The following AMOTL1 variants were observed in gnomAD, a reference collection of about 807,000 sequenced individuals.
AMOTL1 encodes angiomotin-like protein 1.
AMOTL1 carries 45 observed loss-of-function variants against 102.9 expected under a neutral mutation model. The observed-to-expected ratio is 0.44, with a 90% CI of 0.34 to 0.56. AMOTL1 has a LOEUF of 0.56. AMOTL1 is among the 20% of genes least tolerant of loss of function. The pLI is 0.01. For synonymous variants in AMOTL1, 481 were observed against 484.7 expected (o/e 0.99, Z 0.10); for missense variants, 1,114 against 1,225.6 (o/e 0.91, Z 1.36).
intron 3 of AMOTL1, among the ~76,000 whole-genome samples, chr11:94,761,663 A>T (rs1380424434): frequency 2.0e-5 from 3 of 152,206 alleles, no homozygotes; most frequent in Non-Finnish European, 4.4e-5. Flanking sequence ...TAACTTATAG[A>T]ACATTTAAGA....
At chr11:94,745,460 C>T (rs2135483311) in intron 3 of AMOTL1, among the ~76,000 whole-genome samples, 1 of 152,304 alleles carries the variant, frequency 6.6e-6, no homozygotes, top group African/African-American at 2.4e-5. Context: ...AAAGATGCTC[C>T]TATCACCTCT....
intron 6 of AMOTL1, among the ~76,000 whole-genome samples, chr11:94,846,023 T>A (rs1952403885): frequency 6.6e-6 from 1 of 152,190 alleles, no homozygotes; most frequent in African/African-American, 2.4e-5. Context: ...TATGAGGTGG[T>A]TTCACCATGG....
intron 1 of AMOTL1, among the ~76,000 whole-genome samples, chr11:94,790,930 C>G (rs569844779): frequency 3.9e-4 from 60 of 152,320 alleles, no homozygotes; most frequent in Admixed American, 1.4e-3. Flanking sequence ...TTGCCTCCCC[C>G]AGACAACTCA....
chr11:94,805,418 T>G (rs1369290573), intron 3 of AMOTL1, among the ~76,000 whole-genome samples: 2 of 152,202 alleles, frequency 1.3e-5, no homozygotes, highest in African/African-American at 4.8e-5. Flanking sequence ...TGGAGGTGCT[T>G]TCATTCCTAG....
At chr11:94,821,859 T>C (rs913622267) in intron 4 of AMOTL1, 38 bp downstream of exon 4, 4 of 1,599,904 alleles carry the variant, frequency 2.5e-6, no homozygotes, top group Non-Finnish European at 3.4e-6. Flanking sequence ...GGAGACAAAT[T>C]CTTTACCTGG....
intron 2 of AMOTL1, among the ~76,000 whole-genome samples, chr11:94,732,939 G>C (rs927939331): frequency 6.6e-6 from 1 of 152,198 alleles, no homozygotes; most frequent in African/African-American, 2.4e-5. Context: ...TCAGGGTCAG[G>C]GAGAGTTTTA....
At chr11:94,844,065 TC>T (rs1048359564) in intron 6 of AMOTL1, among the ~76,000 whole-genome samples, 5 of 151,956 alleles carry the variant, frequency 3.3e-5, no homozygotes, top group Admixed American at 3.3e-4. Flanking sequence ...ACTCAGAGAG[TC>T]CCAGAGACTG....
rs1278349042 is a variant in AMOTL1 at position 94,850,151 on chromosome 11, G to A, written c.1686G>A (p.Met562Ile). The change falls in exon 7 of 13, where the codon ATG becomes ATA. Residue 562 changes from methionine (M) to isoleucine (I), a missense_variant. Met to Ile is a conservative substitution (Grantham distance 10). Coordinates refer to ENST00000433060, the MANE Select transcript of AMOTL1 (RefSeq NM_130847.3). ...EFLKEKEKLE[M>I]ELAAVRTASE... ...TGAAGGAAAAGGAGAAATTAGAAAT[G>A]GAGTTAGCAGCAGTGCGGACTGCAA... 1 of 1,585,736 alleles carries A rather than the reference G, an allele frequency of 6.3e-7. No individual in the cohort carries two copies. Among genetic ancestry groups the A allele is most frequent in the Admixed American group, 1.8e-5 (1 of 55,430 alleles).
At chr11:94,740,737 TC>T (rs1950509384) in intron 2 of AMOTL1, among the ~76,000 whole-genome samples, 2 of 151,922 alleles carry the variant, frequency 1.3e-5, no homozygotes, top group South Asian at 4.2e-4. Context: ...GGCCGAGTTG[TC>T]CCCCAAGTTT....
chr11:94,831,622 G>A (rs146876838), intron 6 of AMOTL1, 81 bp downstream of exon 6: 2 of 1,233,912 alleles, frequency 1.6e-6, no homozygotes, highest in Non-Finnish European at 1.2e-6. Flanking sequence ...TTAGTTTCAA[G>A]TGGGTTTTGT....
chr11:94,839,023 G>A (rs936006291), intron 6 of AMOTL1, among the ~76,000 whole-genome samples: 4 of 152,220 alleles, frequency 2.6e-5, no homozygotes, highest in Non-Finnish European at 5.9e-5. Context: ...TGCAGATCTG[G>A]ATATCAGATT....
At chr11:94,840,654 G>GTATATATATATATCTATATA (rs1952277854) in intron 6 of AMOTL1, among the ~76,000 whole-genome samples, 1 of 111,288 alleles carries the variant, frequency 9.0e-6, no homozygotes, top group African/African-American at 4.0e-5. Context: ...CTTAAAAAAC[G>GTATATATATATATCTATATA]TATATATATA....
intron 2 of AMOTL1, among the ~76,000 whole-genome samples, chr11:94,734,860 G>C (rs983043497): frequency 1.4e-4 from 21 of 152,192 alleles, no homozygotes; most frequent in Admixed American, 6.5e-5. Flanking sequence ...TTTCCTTGGG[G>C]GCTGGGGATG....
intron 6 of AMOTL1, among the ~76,000 whole-genome samples, chr11:94,834,826 A>G (rs1469055985): frequency 6.6e-6 from 1 of 152,144 alleles, no homozygotes; most frequent in East Asian, 1.9e-4. Flanking sequence ...CTCCCAGTTA[A>G]TGGAGGGAGG....
intron 2 of AMOTL1, chr11:94,796,855 A>G: frequency 2.7e-6 from 1 of 367,072 alleles, no homozygotes; most frequent in Non-Finnish European, 3.8e-6. Flanking sequence ...GAACCTTCTA[A>G]TGGCATATGT....
Position 94,725,653 on chromosome 11 carries a change from C to G in AMOTL1, c.-50-3268C>G, listed in dbSNP as rs551287540. ...AGCCTGTGGGAGCCTCTGAGGAACACAGAACCAAGTCTAAGATGAGATGTG... is the reference window on the plus strand; with the variant it reads ...AGCCTGTGGGAGCCTCTGAGGAACAGAGAACCAAGTCTAAGATGAGATGTG... On this transcript the variant is annotated intron_variant, in intron 1 of 4. Transcript: ENST00000299004. Among the ~76,000 whole-genome samples the G allele has an allele frequency of 2.6e-5, 4 of 152,126 alleles. No homozygotes were observed. In the East Asian group the frequency reaches 7.8e-4, roughly 30 times the overall value.
chr11:94,865,371 T>C (rs1423875862), intron 10 of AMOTL1, among the ~76,000 whole-genome samples: 1 of 152,188 alleles, frequency 6.6e-6, no homozygotes, highest in Non-Finnish European at 1.5e-5. Flanking sequence ...TGTGGAACCC[T>C]GGGAGCCCTA....
intron 1 of AMOTL1, among the ~76,000 whole-genome samples, chr11:94,719,808 C>T (rs1381963383): frequency 2.0e-5 from 3 of 152,040 alleles, no homozygotes; most frequent in Non-Finnish European, 4.4e-5. Context: ...TGATAGAAAC[C>T]CAAGTCTATG....
At chr11:94,791,078 C>T (rs1951277780) in intron 1 of AMOTL1, among the ~76,000 whole-genome samples, 1 of 152,094 alleles carries the variant, frequency 6.6e-6, no homozygotes, top group South Asian at 2.1e-4. Flanking sequence ...TGCATAAAAC[C>T]ATATGGGAAG....
Sources: allele counts gnomAD v4.1 joint callset (sites outside exome capture counted in the v4.1 genomes callset), GRCh38; gene constraint gnomAD v4.1.1; transcripts MANE v1.5; gene names NCBI Gene and HGNC (gene_info 2026-07-23, HGNC 2026-07-21).